ACADSB: variants seen among roughly 807,000 people sequenced by gnomAD.
ACADSB encodes acyl-CoA dehydrogenase short/branched chain.
Under a neutral mutation model 54.1 loss-of-function variants are expected in ACADSB, and 40 were observed. The ratio of observed to expected loss-of-function variants is 0.74; its 90% CI spans 0.57 to 0.96. The LOEUF is 0.96. ACADSB is among the 40% of genes least tolerant of loss of function. ACADSB has a pLI of 0.00. For missense variants in ACADSB, 530 were observed against 510.4 expected, an observed-to-expected ratio of 1.04 and a Z score of -0.37; for synonymous variants, 182 against 182.8, an observed-to-expected ratio of 1.00 and a Z score of 0.03.
intron 2 of ACADSB, among the ~76,000 whole-genome samples, chr10:123,036,090 C>A (rs551208302): frequency 3.9e-5 from 6 of 152,068 alleles, no homozygotes; most frequent in African/African-American, 1.2e-4. Context: ...AATTTCTTTT[C>A]TTTCTTTTTT....
intron 10 of ACADSB, 90 bp downstream of exon 10, chr10:123,053,250 T>A: frequency 9.4e-7 from 1 of 1,068,950 alleles, no homozygotes; most frequent in Non-Finnish European, 1.4e-6. Flanking sequence ...TTTTCCTAGG[T>A]AAAAGCAATT....
In ACADSB at chr10:123,053,081, T is replaced by A. The variant is rs773170768; in HGVS notation, c.1149T>A (p.Ser383Arg). 6.2e-7 allele frequency: 1 copy of A among 1,613,948 alleles called. No homozygotes were observed. Among genetic ancestry groups the A allele is most frequent in the South Asian group, 1.1e-5 (1 of 91,080 alleles). The change falls in exon 10 of 11, where the codon AGT (serine) becomes AGA (arginine). Residue 383 changes from serine (S) to arginine (R), a missense_variant. Physicochemically the swap from Ser to Arg is moderately radical, Grantham distance 110. Transcript: ENST00000358776. ...GGTAGATTGCAGGACAAACAACGAG[T>A]AAATGTATCGAGTGGATGGGGGGAG... ...YASEIAGQTT[S>R]KCIEWMGGVG...
At chr10:123,024,451 G>A (rs1283460641) in intron 1 of ACADSB, among the ~76,000 whole-genome samples, 2 of 152,174 alleles carry the variant, frequency 1.3e-5, no homozygotes, top group Non-Finnish European at 2.9e-5. Context: ...AGTTGCCTCC[G>A]TGTTTAGGTG....
intron 7 of ACADSB, among the ~76,000 whole-genome samples, chr10:123,046,099 T>C (rs954361775): frequency 2.6e-5 from 4 of 152,226 alleles, no homozygotes; most frequent in Admixed American, 6.5e-5. Flanking sequence ...AAATTTTAGC[T>C]GTAAGGGTAT....
intron 1 of ACADSB, 115 bp downstream of exon 1, chr10:123,009,186 G>A: frequency 1.7e-6 from 2 of 1,169,362 alleles, no homozygotes; most frequent in Non-Finnish European, 2.4e-6. Context: ...CCCGCTCCAC[G>A]TCCTGGGTCC....
In ACADSB at chr10:123,053,677, T is replaced by A. The variant is rs750743967; in HGVS notation, c.1229-18T>A. 1.2e-6 allele frequency: 2 copies of A among 1,606,136 alleles called. No homozygotes were observed. The highest frequency in any genetic ancestry group is 1.7e-6 in the Non-Finnish European group (2 of 1,172,650). On this transcript the variant is annotated intron_variant, in intron 10 of 10. Transcript: ENST00000358776. ...TGCGCCAACTCCTCATTGTTCCTTC[T>A]GCTTCCTTTTGCTTAAGGTACGATA...
intron 8 of ACADSB, among the ~76,000 whole-genome samples, chr10:123,048,081 T>C: frequency 6.6e-6 from 1 of 152,182 alleles, no homozygotes; most frequent in African/African-American, 2.4e-5. Flanking sequence ...TGAAGGCATG[T>C]CACCTAAAAT....
At position 123,041,142 on chromosome 10, in the gene ACADSB, A is replaced by G. The variant is rs990330455; in HGVS notation, c.511-67A>G. 45 of 1,523,972 alleles carry G rather than the reference A, an allele frequency of 3.0e-5. No homozygotes were observed. In the Admixed American group the frequency reaches 6.3e-4, roughly 21 times the overall value. The allele number at this position is 1,523,972 out of a possible 1,614,324, so 94.4% of individuals were successfully genotyped here. ...TTGATTTACAAATGTCCATTTTTCCATAAGTATTTGTTATACAGAGTATAA... is the reference window on the plus strand; with the variant it reads ...TTGATTTACAAATGTCCATTTTTCCGTAAGTATTTGTTATACAGAGTATAA... On this transcript the variant is annotated intron_variant, in intron 4 of 10. Transcript: ENST00000358776.
Position 123,048,797 on chromosome 10 carries a change from T to C in ACADSB, c.990+1499T>C, listed in dbSNP as rs566623059. Among the ~76,000 whole-genome samples, 745 of 152,228 alleles carry C rather than the reference T, an allele frequency of 4.9e-3. 3 individuals are homozygous for C. The highest frequency in any genetic ancestry group is 0.017 in the African/African-American group (709 of 41,544). ...AGGCTGGAGTGCAGGGGCGCTATCTTGGCTCACTGCAAGCTCTGCCTCCCA... is the reference window on the plus strand; with the variant it reads ...AGGCTGGAGTGCAGGGGCGCTATCTCGGCTCACTGCAAGCTCTGCCTCCCA... On this transcript the variant is annotated intron_variant, in intron 8 of 10. Coordinates refer to ENST00000358776, the MANE Select transcript of ACADSB (RefSeq NM_001609.4).
chr10:123,053,612 G>T, intron 10 of ACADSB, 83 bp from the exon 11 acceptor site: 1 of 1,159,360 alleles, frequency 8.6e-7, no homozygotes, highest in Non-Finnish European at 1.3e-6. Flanking sequence ...TATAGCAAGC[G>T]CAGAGGTGAT....
chr10:123,011,354 A>G (rs527857129), intron 1 of ACADSB, among the ~76,000 whole-genome samples: 1 of 152,256 alleles, frequency 6.6e-6, no homozygotes, highest in East Asian at 1.9e-4. Context: ...GTCACATAAC[A>G]ATCAGATTGC....
intron 1 of ACADSB, among the ~76,000 whole-genome samples, chr10:123,024,715 CAG>C (rs1303264030): frequency 1.3e-5 from 2 of 152,190 alleles, no homozygotes; most frequent in East Asian, 3.9e-4. Context: ...GCACACCTAA[CAG>C]GGTGGGGCCG....
At chr10:123,049,293 A>G (rs1044632190) in intron 8 of ACADSB, among the ~76,000 whole-genome samples, 7 of 152,158 alleles carry the variant, frequency 4.6e-5, no homozygotes, top group African/African-American at 1.7e-4. Context: ...CAGCCTATTC[A>G]TCTTTATTAA....
chr10:123,049,494 G>A (rs1231511487), intron 8 of ACADSB, among the ~76,000 whole-genome samples: 3 of 152,190 alleles, frequency 2.0e-5, no homozygotes, highest in Non-Finnish European at 2.9e-5. Context: ...GATGGTGACT[G>A]TAAGTTTAAT....
chr10:123,049,257 A>T (rs538506433), intron 8 of ACADSB, among the ~76,000 whole-genome samples: 25 of 152,298 alleles, frequency 1.6e-4, no homozygotes, highest in African/African-American at 5.3e-4. Flanking sequence ...TGACCTCAAG[A>T]CTACATGGTC....
In ACADSB at chr10:123,053,983, T is replaced by C. The variant is rs1850670298; in HGVS notation, c.*218T>C. Reference sequence around the variant, plus strand: ...GAGATCCACTTTTAAACTTGGGAAATAAGCACCTGTATTTTTTTCCAAAAC... The same window carrying C: ...GAGATCCACTTTTAAACTTGGGAAACAAGCACCTGTATTTTTTTCCAAAAC... On this transcript the variant is annotated 3_prime_UTR_variant, in exon 11 of 11. Coordinates refer to ENST00000358776, the MANE Select transcript of ACADSB (RefSeq NM_001609.4). 1.7e-6 allele frequency: 1 copy of C among 602,714 alleles called. No homozygotes were observed. Among genetic ancestry groups the C allele is most frequent in the Non-Finnish European group, 2.9e-6 (1 of 341,210 alleles). The allele number at this position is 602,714 out of a possible 1,614,324, so 37.3% of individuals were successfully genotyped here.
chr10:123,009,017 G>C lies in ACADSB; in HGVS notation c.-13G>C. On this transcript the variant is annotated 5_prime_UTR_variant, in exon 1 of 11. Coordinates refer to ENST00000358776, the MANE Select transcript of ACADSB (RefSeq NM_001609.4). The stretch of plus-strand genomic sequence containing the variant: ...AGACCCAGAGGCGCAGAGCGGAGAG[G>C]CCTGCGGCGAGGATGGAGGGCCTGG... The C allele has an allele frequency of 6.5e-7, 1 of 1,547,758 alleles. No homozygotes were observed. Among genetic ancestry groups the C allele is most frequent in the Non-Finnish European group, 8.7e-7 (1 of 1,146,828 alleles).
chr10:123,018,149 T>G (rs142818942), intron 1 of ACADSB, among the ~76,000 whole-genome samples: 1 of 152,312 alleles, frequency 6.6e-6, no homozygotes, highest in African/African-American at 2.4e-5. Context: ...TTGGGGGGCC[T>G]TAGAATCTTA....
chr10:123,041,495 A>C (rs1461225636), intron 5 of ACADSB, 116 bp downstream of exon 5: 1 of 1,065,896 alleles, frequency 9.4e-7, no homozygotes, highest in East Asian at 2.5e-5. Context: ...TAGTCTTCTC[A>C]GTACTGAAAA....
Sources: gnomAD v4.1 joint callset for allele counts (sites outside exome capture counted in the v4.1 genomes callset) on GRCh38, gnomAD v4.1.1 for gene constraint, MANE v1.5 for transcripts, NCBI Gene and HGNC (gene_info 2026-07-23, HGNC 2026-07-21) for gene names.